CNTN3: variants seen among roughly 807,000 people sequenced by gnomAD.
CNTN3 encodes contactin 3, also known as contactin-3.
CNTN3 carries 60 observed loss-of-function variants against 119.1 expected under a neutral mutation model. That is an observed-to-expected ratio of 0.50 (90% CI 0.41 to 0.62). The LOEUF (loss-of-function observed/expected upper bound fraction) is 0.62, where lower values mean the gene tolerates loss of function less well. CNTN3 is among the 20% of genes least tolerant of loss of function. The pLI is 0.00. For synonymous variants in CNTN3, 450 were observed against 438.7 expected (o/e 1.03, Z -0.32); for missense variants, 1,101 against 1,242.4 (o/e 0.89, Z 1.71).
intron 13 of CNTN3, among the ~76,000 whole-genome samples, chr3:74,331,099 T>C (rs1405130794): frequency 1.3e-5 from 2 of 152,190 alleles, no homozygotes; most frequent in East Asian, 1.9e-4. Flanking sequence ...ATGTTTTCAG[T>C]AGTGTACAGC....
At chr3:74,606,313 T>C (rs914285044) in intron 1 of CNTN3, among the ~76,000 whole-genome samples, 5 of 152,044 alleles carry the variant, frequency 3.3e-5, no homozygotes, top group Admixed American at 3.3e-4. Flanking sequence ...CATCATTTGA[T>C]TTTAATCTCT....
At chr3:74,335,527 C>T (rs1201170901) in intron 12 of CNTN3, among the ~76,000 whole-genome samples, 1 of 152,106 alleles carries the variant, frequency 6.6e-6, no homozygotes, top group Non-Finnish European at 1.5e-5. Flanking sequence ...CCCACTGCTA[C>T]TCCACATTAC....
intron 13 of CNTN3, among the ~76,000 whole-genome samples, chr3:74,331,063 T>C (rs1440055920): frequency 1.3e-5 from 2 of 152,112 alleles, no homozygotes; most frequent in Non-Finnish European, 2.9e-5. Flanking sequence ...ATAAATTGAG[T>C]GTATCCTAAG....
chr3:74,481,773 A>C (rs1702768674), intron 4 of CNTN3, among the ~76,000 whole-genome samples: 1 of 151,962 alleles, frequency 6.6e-6, no homozygotes, highest in Non-Finnish European at 1.5e-5. Flanking sequence ...AGAGTGTAGA[A>C]ATTTGAAAGT....
chr3:74,585,109 G>T (rs913870226), intron 1 of CNTN3, among the ~76,000 whole-genome samples: 2 of 152,138 alleles, frequency 1.3e-5, no homozygotes, highest in African/African-American at 4.8e-5. Flanking sequence ...AAGAAGGTAA[G>T]TAGAAAGTGG....
At chr3:74,590,949 C>A (rs959093863) in intron 1 of CNTN3, among the ~76,000 whole-genome samples, 1 of 151,884 alleles carries the variant, frequency 6.6e-6, no homozygotes, top group Non-Finnish European at 1.5e-5. Flanking sequence ...ATATACATAA[C>A]TAGTTATTTT....
chr3:74,288,057 G>A (rs1484543542), intron 19 of CNTN3, among the ~76,000 whole-genome samples: 1 of 151,896 alleles, frequency 6.6e-6, no homozygotes, highest in Admixed American at 6.6e-5. Context: ...CCGATTGCAG[G>A]GAATTAGACC....
At chr3:74,298,407 A>G (rs1441286169) in intron 17 of CNTN3, among the ~76,000 whole-genome samples, 1 of 152,166 alleles carries the variant, frequency 6.6e-6, no homozygotes. Flanking sequence ...CCATCCAGAT[A>G]ATGAACTGGA....
At chr3:74,584,126 C>A (rs1295394814) in intron 1 of CNTN3, among the ~76,000 whole-genome samples, 1 of 152,114 alleles carries the variant, frequency 6.6e-6, no homozygotes, top group Non-Finnish European at 1.5e-5. Flanking sequence ...TTAAAAACTA[C>A]ATCAAATATA....
At chr3:74,596,989 T>A (rs1035906496) in intron 1 of CNTN3, among the ~76,000 whole-genome samples, 1 of 152,062 alleles carries the variant, frequency 6.6e-6, no homozygotes, top group Non-Finnish European at 1.5e-5. Context: ...GAAATTCAGT[T>A]GGATCCCTCC....
In CNTN3 at chr3:74,361,873, T is replaced by G. The variant is rs1282959220; in HGVS notation, c.1364+17A>C. ...TGAGAGGAAAGTAAATGACCACTTT[T>G]CTGGACATCAAAATACCTTTCATGC... On this transcript the variant is annotated intron_variant, in intron 11 of 22. Coordinates refer to ENST00000263665, the MANE Select transcript of CNTN3 (RefSeq NM_020872.3). 6.3e-7 allele frequency: 1 copy of G among 1,593,570 alleles called. No homozygotes were observed. Among genetic ancestry groups the G allele is most frequent in the African/African-American group, 1.3e-5 (1 of 74,196 alleles).
intron 3 of CNTN3, among the ~76,000 whole-genome samples, chr3:74,497,262 T>G (rs868367691): frequency 1.1e-4 from 17 of 152,152 alleles, no homozygotes; most frequent in Middle Eastern, 3.4e-3. Flanking sequence ...GCAAGCATAT[T>G]TTATTCTGAA....
intron 1 of CNTN3, among the ~76,000 whole-genome samples, chr3:74,543,125 G>C (rs765373031): frequency 6.6e-6 from 1 of 151,740 alleles, no homozygotes; most frequent in Admixed American, 6.6e-5. Flanking sequence ...GCAAGACCTT[G>C]TCTCAAATAA....
chr3:74,392,870 A>G (rs1176954111), intron 5 of CNTN3, among the ~76,000 whole-genome samples: 1 of 152,148 alleles, frequency 6.6e-6, no homozygotes. Context: ...TTAAGTGGAC[A>G]GCTTGGTGAG....
intron 6 of CNTN3, among the ~76,000 whole-genome samples, chr3:74,370,618 T>C (rs1214373098): frequency 6.6e-6 from 1 of 152,128 alleles, no homozygotes; most frequent in Non-Finnish European, 1.5e-5. Flanking sequence ...AGTGCTTCAA[T>C]GCTTTGTGGT....
At chr3:74,367,344 A>C (rs554034636) in intron 8 of CNTN3, among the ~76,000 whole-genome samples, 10 of 152,220 alleles carry the variant, frequency 6.6e-5, no homozygotes, top group African/African-American at 2.2e-4. Flanking sequence ...TCTATTGTGC[A>C]TTCATTTCCT....
At chr3:74,479,507 T>C (rs1702723274) in intron 4 of CNTN3, among the ~76,000 whole-genome samples, 3 of 152,234 alleles carry the variant, frequency 2.0e-5, no homozygotes, top group South Asian at 4.1e-4. Context: ...ATTTGTAACA[T>C]ATTATTCATA....
chr3:74,334,833 G>T lies in CNTN3; in HGVS notation c.1570C>A (p.Gln524Lys). The T allele has an allele frequency of 3.1e-6, 5 of 1,613,568 alleles. No homozygotes were observed. The highest frequency in any genetic ancestry group is 3.4e-6 in the Non-Finnish European group (4 of 1,179,610). Residue 524 changes from glutamine (Q) to lysine (K), a missense_variant, in exon 13 of 23, where the codon CAA (glutamine) becomes AAA (lysine). By Grantham distance (53) the Gln-to-Lys change is moderately conservative. Transcript: ENST00000263665. The stretch of plus-strand genomic sequence containing the variant: ...ATGATGTCTAACAGCGGGTCATGTT[G>T]TACCTGGCAGGGCAATATGACGCTT... ...GESVILPCQV[Q>K]HDPLLDIIFT...
chr3:74,297,384 GA>G (rs72102148), intron 18 of CNTN3, among the ~76,000 whole-genome samples: 2 of 145,148 alleles, frequency 1.4e-5, no homozygotes, highest in South Asian at 2.2e-4. Context: ...ATGCCCAGAA[GA>G]AAAAAAAAAC....
Sources: allele counts gnomAD v4.1 joint callset (sites outside exome capture counted in the v4.1 genomes callset), GRCh38; gene constraint gnomAD v4.1.1; transcripts MANE v1.5; gene names NCBI Gene and HGNC (gene_info 2026-07-23, HGNC 2026-07-21).